The following DNAH14 variants were observed in gnomAD, a reference collection of about 807,000 sequenced individuals.
DNAH14 encodes axonemal beta dynein heavy chain 14.
In DNAH14, 478 loss-of-function variants were observed where a neutral mutation model predicts 520.9. The ratio of observed to expected loss-of-function variants is 0.92; its 90% confidence interval spans 0.85 to 0.99. The LOEUF (loss-of-function observed/expected upper bound fraction) is 0.99, where lower values mean the gene tolerates loss of function less well. Among genes scored for constraint, DNAH14 ranks in the 50% least tolerant of loss-of-function variants. DNAH14 has a pLI of 0.00. For synonymous variants in DNAH14, 1,581 were observed against 1,757.2 expected (o/e 0.90, Z 2.51); for missense variants, 4,831 against 5,234.5 (o/e 0.92, Z 2.38).
chr1:225,390,602 T>C (rs1287783620), intron 83 of DNAH14, among the ~76,000 whole-genome samples: 4 of 152,068 alleles, frequency 2.6e-5, no homozygotes, highest in Non-Finnish European at 4.4e-5. Context: ...GGACCTTCAC[T>C]AAGAACCAGG....
intron 36 of DNAH14, among the ~76,000 whole-genome samples, chr1:225,184,746 TAAA>T (rs909186033): frequency 6.7e-6 from 1 of 148,560 alleles, no homozygotes; most frequent in Admixed American, 6.7e-5. Flanking sequence ...GAACATATCT[TAAA>T]AAAAAGAGAG....
chr1:225,059,322 T>C (rs2148393132), intron 17 of DNAH14, among the ~76,000 whole-genome samples: 1 of 152,334 alleles, frequency 6.6e-6, no homozygotes, highest in South Asian at 2.1e-4. Context: ...GTTTAACATC[T>C]GTTTTATCCG....
In DNAH14 at chr1:225,082,631, G is replaced by C. The variant is rs2073276254; in HGVS notation, c.3219G>C (p.Leu1073=). The change falls in exon 20 of 86, where the codon CTG becomes CTC. Residue 1073 remains leucine, a synonymous_variant. Coordinates refer to ENST00000682510, the MANE Select transcript of DNAH14 (RefSeq NM_001367479.1). ...FKQELPIIIA[L]GNPCLKPRHW... is the part of the protein sequence containing the mutation. Reference sequence around the variant, plus strand: ...AAGAGCTGCCTATCATTATAGCTCTGGGAAATCCCTGTCTCAAGCCAAGGC... The same window carrying C: ...AAGAGCTGCCTATCATTATAGCTCTCGGAAATCCCTGTCTCAAGCCAAGGC... 6.4e-7 allele frequency: 1 copy of C among 1,551,450 alleles called. No homozygotes were observed. Among genetic ancestry groups the C allele is most frequent in the South Asian group, 1.2e-5 (1 of 84,050 alleles).
chr1:225,033,262 TAAG>T (rs1313384253), intron 11 of DNAH14, among the ~76,000 whole-genome samples: 1 of 152,210 alleles, frequency 6.6e-6, no homozygotes, highest in African/African-American at 2.4e-5. Flanking sequence ...ATATATGGTG[TAAG>T]GAAGGAGTCC....
intron 79 of DNAH14, 51 bp from the exon 80 acceptor site, chr1:225,380,108 T>C: frequency 6.6e-7 from 1 of 1,505,522 alleles, no homozygotes; most frequent in Non-Finnish European, 8.9e-7. Flanking sequence ...TCTCTCCCCA[T>C]CTCCCCACTT....
At chr1:225,086,389 C>T (rs1336314653) in intron 21 of DNAH14, among the ~76,000 whole-genome samples, 2 of 152,116 alleles carry the variant, frequency 1.3e-5, no homozygotes, top group Non-Finnish European at 2.9e-5. Flanking sequence ...CCACCTCAGC[C>T]TCCCAAAGTA....
intron 1 of DNAH14, among the ~76,000 whole-genome samples, chr1:224,948,310 T>A (rs1422463216): frequency 2.0e-5 from 3 of 151,938 alleles, no homozygotes; most frequent in Admixed American, 6.6e-5. Context: ...AATGAAAATT[T>A]AGTCACTATG....
intron 60 of DNAH14, among the ~76,000 whole-genome samples, chr1:225,311,698 A>G (rs752322759): frequency 4.6e-5 from 7 of 152,202 alleles, no homozygotes; most frequent in Admixed American, 1.3e-4. Flanking sequence ...ACTATTAAAT[A>G]GGGAATCCTT....
chr1:225,044,057 C>T, intron 15 of DNAH14, 74 bp downstream of exon 15: 1 of 845,720 alleles, frequency 1.2e-6, no homozygotes, highest in Non-Finnish European at 1.8e-6. Flanking sequence ...GCATCTGATG[C>T]CTTTACCCAG....
At chr1:225,105,115 C>G (rs1558972346) in intron 23 of DNAH14, among the ~76,000 whole-genome samples, 1 of 152,148 alleles carries the variant, frequency 6.6e-6, no homozygotes, top group South Asian at 2.1e-4. Flanking sequence ...CAAAGAACAT[C>G]TTTATTTCTA....
intron 15 of DNAH14, among the ~76,000 whole-genome samples, chr1:225,046,389 T>C (rs79624101): frequency 0.053 from 8,017 of 152,174 alleles, 321 homozygotes; most frequent in Non-Finnish European, 0.078. Context: ...GATCATATTA[T>C]AAAAACATTC....
chr1:225,013,629 C>G (rs2064982710), intron 10 of DNAH14, among the ~76,000 whole-genome samples: 1 of 152,152 alleles, frequency 6.6e-6, no homozygotes, highest in Non-Finnish European at 1.5e-5. Context: ...GGGGCTGCTG[C>G]CTTTCTTTCA....
intron 44 of DNAH14, among the ~76,000 whole-genome samples, chr1:225,253,334 C>T (rs1316857671): frequency 6.6e-6 from 1 of 152,030 alleles, no homozygotes; most frequent in Non-Finnish European, 1.5e-5. Flanking sequence ...CTTAGTATAC[C>T]ACTCACACGG....
At chr1:225,324,119 A>G in intron 62 of DNAH14, 103 bp from the exon 63 acceptor site, 2 of 1,419,228 alleles carry the variant, frequency 1.4e-6, no homozygotes, top group Non-Finnish European at 1.9e-6. Flanking sequence ...CCCGGCCTGA[A>G]TATTTTAATA....
At chr1:225,162,781 A>G (rs773463473) in intron 35 of DNAH14, among the ~76,000 whole-genome samples, 57 of 152,058 alleles carry the variant, frequency 3.7e-4, no homozygotes, top group Non-Finnish European at 6.9e-4. Context: ...TTTTATGTGT[A>G]GCTACTATAA....
chr1:225,318,571 T>C lies in DNAH14; in HGVS notation c.9241-12T>C. Reference sequence around the variant, plus strand: ...ATTCATATGTGTTTGGGGACCTATATTTTTATTGCAGAAAACTGCCAATGA... The same window carrying C: ...ATTCATATGTGTTTGGGGACCTATACTTTTATTGCAGAAAACTGCCAATGA... On this transcript the variant is annotated splice_polypyrimidine_tract_variant and intron_variant, in intron 60 of 85. Coordinates refer to ENST00000682510, the MANE Select transcript of DNAH14 (RefSeq NM_001367479.1). 3 of 1,539,576 alleles carry C rather than the reference T, an allele frequency of 1.9e-6. No individual in the cohort carries two copies. In the African/African-American group the frequency reaches 4.1e-5, roughly 21 times the overall value.
chr1:225,168,809 TC>T (rs1418965191), intron 36 of DNAH14, among the ~76,000 whole-genome samples: 1 of 152,164 alleles, frequency 6.6e-6, no homozygotes, highest in Non-Finnish European at 1.5e-5. Flanking sequence ...GTAGTGGTTC[TC>T]CCAGCATGCA....
intron 66 of DNAH14, among the ~76,000 whole-genome samples, chr1:225,335,139 G>GTA (rs1391275323): frequency 9.5e-5 from 12 of 126,800 alleles, no homozygotes; most frequent in South Asian, 4.6e-4. Flanking sequence ...ATGTGCATGT[G>GTA]CACATGTGTA....
chr1:224,953,900 TAAG>T (rs1423933253), intron 2 of DNAH14, among the ~76,000 whole-genome samples: 2 of 152,134 alleles, frequency 1.3e-5, no homozygotes, highest in Non-Finnish European at 2.9e-5. Flanking sequence ...AAAGATTTCT[TAAG>T]AAGCCATAAA....
Sources: gnomAD v4.1 joint callset for allele counts (sites outside exome capture counted in the v4.1 genomes callset) on GRCh38, gnomAD v4.1.1 for gene constraint, MANE v1.5 for transcripts, NCBI Gene and HGNC (gene_info 2026-07-23, HGNC 2026-07-21) for gene names.